ATXN1: variants seen among roughly 807,000 people sequenced by gnomAD.
ATXN1 encodes the protein ataxin-1.
A neutral mutation model predicts 56.4 loss-of-function variants in ATXN1; 8 were observed. The observed-to-expected ratio is 0.14, with a 90% CI of 0.08 to 0.26. ATXN1 has a LOEUF of 0.26. Ranked by LOEUF, ATXN1 falls within the 10% of genes least tolerant of loss-of-function variation. The probability of loss-of-function intolerance (pLI) is 1.00; values close to 1 mark genes in which losing one functional copy is unlikely to be tolerated. For missense variants in ATXN1, 987 were observed against 1,106.5 expected, an observed-to-expected ratio of 0.89 and a Z score of 1.53; for synonymous variants, 514 against 494.6, an observed-to-expected ratio of 1.04 and a Z score of -0.52.
chr6:16,443,917 C>A (rs572040340), intron 6 of ATXN1, among the ~76,000 whole-genome samples: 60 of 152,176 alleles, frequency 3.9e-4, no homozygotes, highest in African/African-American at 1.4e-3. Flanking sequence ...GAGATCGAGA[C>A]CATCCTGGCT....
intron 6 of ATXN1, among the ~76,000 whole-genome samples, chr6:16,468,155 T>C (rs1581783590): frequency 6.6e-6 from 1 of 152,058 alleles, no homozygotes; most frequent in Admixed American, 6.6e-5. Context: ...AAGAATTTGG[T>C]TTAGGACTGG....
At chr6:16,671,308 TC>T (rs371325176) in intron 2 of ATXN1, among the ~76,000 whole-genome samples, 1,764 of 23,438 alleles carry the variant, frequency 0.075, 21 homozygotes, top group East Asian at 0.3. Flanking sequence ...TTCTTTTCTT[TC>T]TTTTTTTTTT....
intron 6 of ATXN1, among the ~76,000 whole-genome samples, chr6:16,339,871 C>T (rs951701535): frequency 2.6e-5 from 4 of 152,196 alleles, no homozygotes; most frequent in African/African-American, 7.2e-5. Context: ...CAACCTCTGC[C>T]TCCTGGGTTC....
rs150641978 is a variant in ATXN1 at position 16,746,986 on chromosome 6, T to C, written c.-615+6247A>G. On this transcript the variant is annotated intron_variant, in intron 2 of 7. Coordinates refer to ENST00000436367, the MANE Select transcript of ATXN1 (RefSeq NM_001128164.2). ...AAGGTACAGTGAGTAGCACAAGTCATCCTGTTGCAGGGCAGGCAACAGAAA... is the reference window on the plus strand; with the variant it reads ...AAGGTACAGTGAGTAGCACAAGTCACCCTGTTGCAGGGCAGGCAACAGAAA... Among the ~76,000 whole-genome samples the C allele has an allele frequency of 1.3e-3, 191 of 152,156 alleles. 2 individuals are homozygous for C. The East Asian group carries it at 0.026, about 20-fold the overall frequency.
At chr6:16,624,784 G>C (rs1055460137) in intron 3 of ATXN1, among the ~76,000 whole-genome samples, 1 of 152,142 alleles carries the variant, frequency 6.6e-6, no homozygotes, top group Non-Finnish European at 1.5e-5. Context: ...AAATTTAACT[G>C]AATATGCCAC....
chr6:16,357,769 T>C (rs918873657), intron 6 of ATXN1, among the ~76,000 whole-genome samples: 1 of 151,926 alleles, frequency 6.6e-6, no homozygotes. Flanking sequence ...CGAGGAATGA[T>C]TGATGGAAGC....
intron 2 of ATXN1, among the ~76,000 whole-genome samples, chr6:16,736,290 T>A (rs1436963938): frequency 6.6e-6 from 1 of 152,218 alleles, no homozygotes; most frequent in Non-Finnish European, 1.5e-5. Context: ...GGGAAATATA[T>A]ACGTTCTGAA....
At chr6:16,372,422 G>T (rs1762059139) in intron 6 of ATXN1, among the ~76,000 whole-genome samples, 1 of 152,166 alleles carries the variant, frequency 6.6e-6, no homozygotes, top group East Asian at 1.9e-4. Flanking sequence ...ACTGCAAACC[G>T]AGTGAAAGCC....
In ATXN1 at chr6:16,506,186, T is replaced by A. The variant is rs139273900; in HGVS notation, c.-299+16441A>T. 6.1e-4 allele frequency among the ~76,000 whole-genome samples: 93 copies of A among 152,362 alleles called. No individual in the cohort carries two copies. The highest frequency in any genetic ancestry group is 2.1e-3 in the African/African-American group (88 of 41,590). On this transcript the variant is annotated intron_variant, in intron 5 of 7. Coordinates refer to ENST00000436367, the MANE Select transcript of ATXN1 (RefSeq NM_001128164.2). The surrounding 1 kb of genome is among the most constrained non-coding windows in gnomAD (Gnocchi z 4.1). ...ATATTTCTAGGGTAGCACAGAAGTT[T>A]GGCCTTTTCGCTGGTGATTTATTTC...
At chr6:16,619,937 T>C (rs1763288283) in intron 3 of ATXN1, among the ~76,000 whole-genome samples, 1 of 151,950 alleles carries the variant, frequency 6.6e-6, no homozygotes, top group Admixed American at 6.6e-5. Flanking sequence ...ATCTGCCACC[T>C]TGGGCAAGTT....
At chr6:16,700,352 G>A (rs1328694152) in intron 2 of ATXN1, among the ~76,000 whole-genome samples, 1 of 152,104 alleles carries the variant, frequency 6.6e-6, no homozygotes, top group Non-Finnish European at 1.5e-5. Context: ...ATTTGCCTCT[G>A]CCCCTGTTCT....
intron 2 of ATXN1, among the ~76,000 whole-genome samples, chr6:16,707,743 G>A (rs1164768603): frequency 2.0e-5 from 3 of 152,078 alleles, no homozygotes; most frequent in Non-Finnish European, 4.4e-5. Context: ...GTTATGAGTG[G>A]GGGAGTCATT....
intron 6 of ATXN1, among the ~76,000 whole-genome samples, chr6:16,416,455 G>C (rs76152292): frequency 6.6e-6 from 1 of 152,286 alleles, no homozygotes; most frequent in East Asian, 1.9e-4. Flanking sequence ...GCACACAATA[G>C]TGCAAACTAT....
At chr6:16,696,146 G>C (rs1759161005) in intron 2 of ATXN1, among the ~76,000 whole-genome samples, 5 of 152,154 alleles carry the variant, frequency 3.3e-5, no homozygotes, top group Admixed American at 2.6e-4. Flanking sequence ...AATGCCTCAG[G>C]CCACACTGGC....
At chr6:16,758,354 T>C (rs1760950719) in intron 1 of ATXN1, among the ~76,000 whole-genome samples, 1 of 152,224 alleles carries the variant, frequency 6.6e-6, no homozygotes, top group East Asian at 1.9e-4. Flanking sequence ...TTTAGTGAGC[T>C]CTGAAAGGTT....
intron 6 of ATXN1, among the ~76,000 whole-genome samples, chr6:16,468,379 C>G (rs1250521274): frequency 6.6e-6 from 1 of 152,002 alleles, no homozygotes; most frequent in Non-Finnish European, 1.5e-5. Context: ...TTAGTAGAGA[C>G]GGGGTTTCAC....
chr6:16,327,305 C>A lies in ATXN1; in HGVS notation c.1006G>T (p.Ala336Ser), dbSNP rs768830146. 1.9e-6 allele frequency: 3 copies of A among 1,612,916 alleles called. No homozygotes were observed. The African/African-American group carries it at 4.0e-5, about 22-fold the overall frequency. ...AGGCCCAGGTCGGCTGAGGACGGGG[C>A]CCCGTACCGCCGGCTCTTCTCCATC... ...GEMEKSRRYG[A>S]PSSADLGLGK... The change falls in exon 7 of 8, where the codon GCC (alanine) becomes TCC (serine). Residue 336 changes from alanine to serine, a missense_variant. Around this residue, in one of 3 missense-constraint regions of ATXN1, gnomAD observed 723 missense variants for 791.7 expected, o/e 0.91. Coordinates refer to ENST00000436367, the MANE Select transcript of ATXN1 (RefSeq NM_001128164.2).
intron 3 of ATXN1, among the ~76,000 whole-genome samples, chr6:16,644,492 C>A (rs981216699): frequency 7.5e-6 from 1 of 132,748 alleles, no homozygotes; most frequent in African/African-American, 3.0e-5. Flanking sequence ...TCCAGCCTGG[C>A]GACAGAGCAA....
At chr6:16,480,347 G>T in intron 6 of ATXN1, among the ~76,000 whole-genome samples, 1 of 152,044 alleles carries the variant, frequency 6.6e-6, no homozygotes, top group Non-Finnish European at 1.5e-5. Context: ...ACTATTCCTA[G>T]TCTCTTCTCA....
Sources: allele counts gnomAD v4.1 joint callset (sites outside exome capture counted in the v4.1 genomes callset), GRCh38; gene constraint gnomAD v4.1.1; regional missense constraint gnomAD v4.1.1; non-coding constraint Gnocchi (gnomAD v3.1); transcripts MANE v1.5; gene names NCBI Gene and HGNC (gene_info 2026-07-23, HGNC 2026-07-21).